Variants in SLC9A6 observed in about 807,000 individuals in gnomAD.
SLC9A6 encodes solute carrier family 9 member A6.
A neutral mutation model predicts 45.3 loss-of-function variants in SLC9A6; 6 were observed. The observed-to-expected ratio is 0.13, with a 90% CI of 0.07 to 0.26. The LOEUF (loss-of-function observed/expected upper bound fraction) is 0.26, where lower values mean the gene tolerates loss of function less well. Among genes scored for constraint, SLC9A6 ranks in the 10% least tolerant of loss-of-function variants. SLC9A6 has a pLI of 1.00. For synonymous variants in SLC9A6, 191 were observed against 187.7 expected, an observed-to-expected ratio of 1.02 and a Z score of -0.14; for missense variants, 278 against 503.7, an observed-to-expected ratio of 0.55 and a Z score of 4.29.
chrX:136,034,374 G>T (rs989130110), intron 16 of SLC9A6, among the ~76,000 whole-genome samples: 1 of 111,447 alleles, frequency 9.0e-6, no homozygotes, highest in Non-Finnish European at 1.9e-5. Context: ...TTTGTTCCCA[G>T]CCCAGTCCAT....
intron 16 of SLC9A6, among the ~76,000 whole-genome samples, chrX:136,036,425 T>C (rs1556621836): frequency 8.9e-6 from 1 of 112,447 alleles, no homozygotes; most frequent in Non-Finnish European, 1.9e-5. Flanking sequence ...TTGTTGATTA[T>C]TGTATTTTTT....
intron 1 of SLC9A6, among the ~76,000 whole-genome samples, chrX:135,976,339 A>T (rs1556613346): frequency 8.9e-6 from 1 of 112,215 alleles, no homozygotes. Flanking sequence ...TGTTTTGTCT[A>T]AAATAATGGT....
Position 136,044,380 on chromosome X carries a change from C to T in SLC9A6, c.1768-72C>T, listed in dbSNP as rs1318504406. The T allele has an allele frequency of 1.0e-5, 10 of 981,147 alleles. No individual in the cohort carries two copies. In the Admixed American group the frequency reaches 1.6e-4, roughly 15 times the overall value. 80.9% of individuals were successfully genotyped at this position (981,147 alleles called of 1,213,427 possible). On this transcript the variant is annotated intron_variant, in intron 17 of 17. Coordinates refer to ENST00000630721, the MANE Select transcript of SLC9A6 (RefSeq NM_001379110.1). The stretch of plus-strand genomic sequence containing the variant: ...CTTAAGGGTTTTAATGGGGGATCCT[C>T]GAAAATACTCCTATTGGAAATGTCT...
chrX:136,030,985 A>G (rs1556621060), intron 15 of SLC9A6, among the ~76,000 whole-genome samples: 1 of 112,333 alleles, frequency 8.9e-6, no homozygotes, highest in African/African-American at 3.2e-5. Context: ...GTTAAAAAAA[A>G]CATTTCTCAG....
rs979737594 is a variant in SLC9A6, at chrX:136,027,846, G to A, written c.1461-1040G>A. Among the ~76,000 whole-genome samples, 9 of 112,543 alleles carry A rather than the reference G, an allele frequency of 8.0e-5. No individual in the cohort carries two copies. In the South Asian group the frequency reaches 2.5e-3, roughly 32 times the overall value. On this transcript the variant is annotated intron_variant, in intron 13 of 17. Coordinates refer to ENST00000630721, the MANE Select transcript of SLC9A6 (RefSeq NM_001379110.1). Reference sequence around the variant, plus strand: ...TTTACAGTGTAAAAGGTTCACTTTAGTTGTCATGTGAACGGTGGATCCACA... The same window carrying A: ...TTTACAGTGTAAAAGGTTCACTTTAATTGTCATGTGAACGGTGGATCCACA...
intron 3 of SLC9A6, among the ~76,000 whole-genome samples, chrX:135,996,940 G>C (rs1402879906): frequency 1.8e-5 from 2 of 109,666 alleles, no homozygotes; most frequent in Non-Finnish European, 3.8e-5. Flanking sequence ...CTAATTTTTT[G>C]TATTTTTAAT....
chrX:136,032,610 G>A (rs2071345881), intron 15 of SLC9A6, among the ~76,000 whole-genome samples: 1 of 111,866 alleles, frequency 8.9e-6, no homozygotes. Flanking sequence ...TTATATTTTT[G>A]GAAACTTTTA....
intron 17 of SLC9A6, 136 bp from the exon 18 acceptor site, chrX:136,044,316 A>G (rs1431703777): frequency 1.2e-5 from 6 of 514,405 alleles, no homozygotes; most frequent in Admixed American, 3.2e-5. Context: ...AAGCCAAGGT[A>G]TGGACTTTAG....
chrX:136,037,838 G>A (rs1171153061), intron 16 of SLC9A6, among the ~76,000 whole-genome samples: 2 of 112,549 alleles, frequency 1.8e-5, no homozygotes, highest in Non-Finnish European at 3.7e-5. Context: ...CCAAAGTGCT[G>A]GGATTACAGG....
intron 3 of SLC9A6, among the ~76,000 whole-genome samples, chrX:135,996,049 T>G (rs1222829354): frequency 2.8e-4 from 27 of 96,647 alleles, no homozygotes; most frequent in African/African-American, 9.6e-4. Context: ...TTTTTTTTTT[T>G]GACACAGGGT....
At chrX:136,017,275 AG>A (rs1298884900) in intron 11 of SLC9A6, among the ~76,000 whole-genome samples, 1 of 110,527 alleles carries the variant, frequency 9.0e-6, no homozygotes, top group African/African-American at 3.3e-5. Context: ...AAAACTAGCC[AG>A]GTATGGTGGT....
At chrX:135,979,910 C>T (rs1465866015) in intron 1 of SLC9A6, among the ~76,000 whole-genome samples, 4 of 110,234 alleles carry the variant, frequency 3.6e-5, no homozygotes, top group African/African-American at 6.6e-5. Flanking sequence ...GAATTACAGG[C>T]GCACACCACC....
chrX:135,981,582 T>C (rs1556614057), upstream of SLC9A6, among the ~76,000 whole-genome samples: 1 of 111,412 alleles, frequency 9.0e-6, no homozygotes, highest in African/African-American at 3.3e-5. Context: ...ACTATCCAAG[T>C]AGAAGGAACA....
intron 11 of SLC9A6, among the ~76,000 whole-genome samples, chrX:136,017,554 A>G (rs145954084): frequency 2.7e-5 from 3 of 111,588 alleles, no homozygotes; most frequent in African/African-American, 9.8e-5. Flanking sequence ...TTTTGCCTTC[A>G]CTGGAAGGAG....
chrX:136,033,360 A>C, intron 15 of SLC9A6, 54 bp from the exon 16 acceptor site: 1 of 791,292 alleles, frequency 1.3e-6, no homozygotes, highest in Non-Finnish European at 1.9e-6. Context: ...AATGGCTCTA[A>C]ATAAATGTTC....
rs782386487 is a variant in SLC9A6 at position 135,998,880 on chromosome X, G to A, written c.549G>A (p.Thr183=). The A allele has an allele frequency of 3.3e-6, 4 of 1,203,723 alleles. No homozygotes were observed. The highest frequency in any genetic ancestry group is 4.4e-5 in the Admixed American group (2 of 45,678). Residue 183 remains threonine (T), a synonymous_variant, in exon 6 of 18, where the codon ACG becomes ACA. Transcript: ENST00000630721. ...GGTCAATAATGTATGGCTGTGTAAC[G>A]CTGATGAAGGTAACGGGACAACTTG... ...VIGSIMYGCV[T]LMKVTGQLAG...
At chrX:135,984,594 G>A (rs2089305202), upstream of SLC9A6, among the ~76,000 whole-genome samples, 1 of 111,759 alleles carries the variant, frequency 8.9e-6, no homozygotes, top group African/African-American at 3.3e-5. Context: ...TGGTGAGAGA[G>A]GTTGGACAGG....
chrX:136,005,249 T>C (rs782685750), intron 7 of SLC9A6, among the ~76,000 whole-genome samples: 38 of 112,807 alleles, frequency 3.4e-4, no homozygotes, highest in African/African-American at 1.2e-3. Context: ...CATTGAAAGA[T>C]TTTGAGCTTG....
At chrX:136,044,001 T>A (rs1381250354) in intron 17 of SLC9A6, among the ~76,000 whole-genome samples, 2 of 111,870 alleles carry the variant, frequency 1.8e-5, no homozygotes, top group Non-Finnish European at 3.8e-5. Flanking sequence ...CACACAGTTA[T>A]AGCTCAAGGG....
Sources: allele counts gnomAD v4.1 joint callset (sites outside exome capture counted in the v4.1 genomes callset), GRCh38; gene constraint gnomAD v4.1.1; transcripts MANE v1.5; gene names NCBI Gene and HGNC (gene_info 2026-07-23, HGNC 2026-07-21).